EPB41L1: variants seen among roughly 807,000 people sequenced by gnomAD.
EPB41L1 encodes the protein erythrocyte membrane protein band 4.1 like 1.
Under a neutral mutation model 97.8 loss-of-function variants are expected in EPB41L1, and 29 were observed. That is an observed-to-expected ratio of 0.30 (90% CI 0.22 to 0.40). The LOEUF is 0.40. Ranked by LOEUF, EPB41L1 falls within the 10% of genes least tolerant of loss-of-function variation. The pLI, the probability that EPB41L1 is intolerant of heterozygous loss-of-function variation, is 1.00. For synonymous variants in EPB41L1, 383 were observed against 459.2 expected (o/e 0.83, Z 2.12); for missense variants, 812 against 1,162.3 (o/e 0.70, Z 4.38).
At chr20:36,150,970 TG>T (rs1245741283), upstream of EPB41L1, 2 of 152,234 alleles carry the variant, frequency 1.3e-5, no homozygotes, top group Non-Finnish European at 2.9e-5. Context: ...AGGGCCCTGG[TG>T]GCTGGGAGTC....
intron 1 of EPB41L1, among the ~76,000 whole-genome samples, chr20:36,108,872 C>A (rs1021320136): frequency 5.3e-5 from 8 of 151,934 alleles, no homozygotes; most frequent in Admixed American, 3.9e-4. Context: ...CCCACCTCAC[C>A]CCAGCCCGGG....
chr20:36,205,972 G>A (rs752112542), intron 14 of EPB41L1: 11 of 1,289,714 alleles, frequency 8.5e-6, no homozygotes, highest in African/African-American at 7.6e-5. Context: ...CCTTGCCAAC[G>A]GCAGACTCTC....
Position 36,114,227 on chromosome 20 carries a change from G to A in EPB41L1, c.-10+1747G>A, listed in dbSNP as rs182047300. ...AATAGAGTTTTTCAAATCTCTTTGG[G>A]CAACAGAAACCCATATTGTAAGCAT... On this transcript the variant is annotated intron_variant, in intron 2 of 19. Transcript: ENST00000202028. Among the ~76,000 whole-genome samples the A allele has an allele frequency of 1.9e-4, 29 of 152,236 alleles. No individual in the cohort carries two copies. In the East Asian group the frequency reaches 5.2e-3, roughly 27 times the overall value.
At chr20:36,161,629 C>G (rs140285195) in intron 1 of EPB41L1, among the ~76,000 whole-genome samples, 167 of 152,142 alleles carry the variant, frequency 1.1e-3, no homozygotes, top group African/African-American at 3.8e-3. Flanking sequence ...GCACGTGCCA[C>G]CTGCCTGGCT....
At chr20:36,150,924 A>C (rs562320852), upstream of EPB41L1, 2 of 152,328 alleles carry the variant, frequency 1.3e-5, no homozygotes, top group African/African-American at 4.8e-5. Context: ...TTGGGCTGGG[A>C]GTGCTCCCCA....
chr20:36,128,266 C>T (rs1022933824), intron 2 of EPB41L1, among the ~76,000 whole-genome samples: 1 of 152,198 alleles, frequency 6.6e-6, no homozygotes, highest in Admixed American at 6.5e-5. Flanking sequence ...ACCAAGTTCC[C>T]TTCCCTGCTC....
In EPB41L1 at chr20:36,142,410, A is replaced by G. The variant is rs193090333; in HGVS notation, c.-10+29930A>G. Among the ~76,000 whole-genome samples, 158 of 152,244 alleles carry G rather than the reference A, an allele frequency of 1.0e-3. 1 individual carries two copies. The highest frequency in any genetic ancestry group is 0.01 in the Middle Eastern group (3 of 294). ...GTTCTTATAGCCACATCTTTGTGTCATTCATTGTTCCCTAAGGATCCATTC... is the reference window on the plus strand; with the variant it reads ...GTTCTTATAGCCACATCTTTGTGTCGTTCATTGTTCCCTAAGGATCCATTC... On this transcript the variant is annotated intron_variant, in intron 2 of 19. Coordinates refer to the EPB41L1 transcript ENST00000202028.
chr20:36,205,784 AACTC>A (rs1260194928), intron 14 of EPB41L1: 7 of 1,231,602 alleles, frequency 5.7e-6, no homozygotes, highest in Non-Finnish European at 7.3e-6. Context: ...CAAAGGGAAA[AACTC>A]ACCCATTCTT....
intron 2 of EPB41L1, among the ~76,000 whole-genome samples, chr20:36,140,408 T>C (rs1441193588): frequency 6.6e-6 from 1 of 152,072 alleles, no homozygotes; most frequent in Non-Finnish European, 1.5e-5. Context: ...GTAGTCAAAG[T>C]ATACACTTGG....
At chr20:36,211,420 G>A (rs1025623600) in intron 15 of EPB41L1, among the ~76,000 whole-genome samples, 8 of 151,998 alleles carry the variant, frequency 5.3e-5, no homozygotes, top group Non-Finnish European at 1.2e-4. Context: ...TATACTCAGA[G>A]GTCATAGTCA....
intron 4 of EPB41L1, 26 bp from the exon 5 acceptor site, chr20:36,178,604 C>T: frequency 1.9e-6 from 3 of 1,613,252 alleles, no homozygotes; most frequent in Non-Finnish European, 2.5e-6. Context: ...CGTCTTCCCT[C>T]TGAAGATCTC....
At chr20:36,224,296 T>G (rs2063974814) in intron 21 of EPB41L1, among the ~76,000 whole-genome samples, 1 of 152,222 alleles carries the variant, frequency 6.6e-6, no homozygotes, top group Non-Finnish European at 1.5e-5. Context: ...ATTTTTACAT[T>G]GGTTACATAT....
chr20:36,127,207 T>C (rs952420142), intron 2 of EPB41L1, among the ~76,000 whole-genome samples: 2 of 152,206 alleles, frequency 1.3e-5, no homozygotes, highest in African/African-American at 4.8e-5. Flanking sequence ...TGGTACCCCC[T>C]TCTTATGAGA....
chr20:36,205,733 C>A lies in EPB41L1; in HGVS notation c.1669-3755C>A, dbSNP rs1001403841. 1.0e-5 allele frequency: 11 copies of A among 1,080,192 alleles called. No individual in the cohort carries two copies. The African/African-American group carries it at 1.8e-4, about 18-fold the overall frequency. The allele number at this position is 1,080,192 out of a possible 1,614,324, so 66.9% of individuals were successfully genotyped here. On this transcript the variant is annotated intron_variant, in intron 14 of 21. Coordinates refer to ENST00000338074, the MANE Select transcript of EPB41L1 (RefSeq NM_012156.2). ...CCAGCCAGTTCTGGGGATGTGCTGT[C>A]CCAAAGTCAAACATTTCAGTGGTAG... is the stretch of plus-strand genomic sequence containing the variant.
chr20:36,207,391 T>C lies in EPB41L1; in HGVS notation c.1669-2097T>C, dbSNP rs562254031. ...AGGGAAGCGAAGGGAGATGACCTCT[T>C]TCCAGGCTGGGGACCAAGAGGGCTC... On this transcript the variant is annotated intron_variant, in intron 14 of 21. Transcript: ENST00000338074. The surrounding 1 kb of genome is among the most constrained non-coding windows in gnomAD (Gnocchi z 4.9). The C allele has an allele frequency of 8.5e-6, 11 of 1,289,596 alleles. No homozygotes were observed. The African/African-American group carries it at 1.5e-4, about 18-fold the overall frequency. 79.9% of individuals were successfully genotyped at this position (1,289,596 alleles called of 1,614,324 possible). A position where few individuals can be genotyped will look rare whatever the true frequency, so the allele number is the denominator to read the frequency against.
upstream of EPB41L1, chr20:36,153,052 G>T (rs962889473): frequency 1.1e-5 from 5 of 456,614 alleles, no homozygotes; most frequent in African/African-American, 1.0e-4. Flanking sequence ...GTGAGCAGGG[G>T]GAGTGAAGGC....
intron 14 of EPB41L1, among the ~76,000 whole-genome samples, chr20:36,203,796 A>C (rs879424027): frequency 1.3e-5 from 2 of 152,172 alleles, no homozygotes; most frequent in Admixed American, 1.3e-4. Context: ...CTTTCCCATG[A>C]ACAAGATTAT....
At position 36,229,491 on chromosome 20, in the gene EPB41L1, TATATAGATATATAGAG is replaced by T; in HGVS notation, c.*165_*180del. 1.4e-6 allele frequency: 1 copy of T among 704,788 alleles called. No homozygotes were observed. The highest frequency in any genetic ancestry group is 2.2e-5 in the Admixed American group (1 of 46,388). The allele number at this position is 704,788 out of a possible 1,614,324, so 43.7% of individuals were successfully genotyped here. On this transcript the variant is annotated 3_prime_UTR_variant, in exon 22 of 22. Coordinates refer to ENST00000338074, the MANE Select transcript of EPB41L1 (RefSeq NM_012156.2). ...GAGACTGGGAAGGGAAAAGCATATA[TATATAGATATATAGAG>T]ATATAGATATATATACAGGAAACAC...
At chr20:36,124,212 G>A (rs1245615804) in intron 2 of EPB41L1, among the ~76,000 whole-genome samples, 5 of 152,202 alleles carry the variant, frequency 3.3e-5, no homozygotes, top group Non-Finnish European at 7.4e-5. Context: ...CCGAGATCGC[G>A]CCACTGCACT....
Sources: allele counts gnomAD v4.1 joint callset (sites outside exome capture counted in the v4.1 genomes callset), GRCh38; gene constraint gnomAD v4.1.1; non-coding constraint Gnocchi (gnomAD v3.1); transcripts MANE v1.5; gene names NCBI Gene and HGNC (gene_info 2026-07-23, HGNC 2026-07-21).